PSG4: variants seen among roughly 807,000 people sequenced by gnomAD.
PSG4 encodes pregnancy-specific beta-1-glycoprotein 4.
Under a neutral mutation model 44.3 loss-of-function variants are expected in PSG4, and 61 were observed. That is an observed-to-expected ratio of 1.38 (90% CI 1.12 to 1.70). PSG4 has a LOEUF of 1.70. Among genes scored for constraint, PSG4 ranks in the 40% most tolerant of loss-of-function variants. The pLI is 0.00. For synonymous variants in PSG4, 248 were observed against 191.3 expected (o/e 1.30, Z -2.45); for missense variants, 677 against 511.7 (o/e 1.32, Z -3.12).
At chr19:43,194,673 T>G (rs970670316) in intron 4 of PSG4, 79 bp from the exon 5 acceptor site, 21 of 1,540,582 alleles carry the variant, frequency 1.4e-5, no homozygotes, top group African/African-American at 5.5e-5. Flanking sequence ...GGGACACAGT[T>G]ACCCTCTAAG....
intron 3 of PSG4, among the ~76,000 whole-genome samples, chr19:43,195,529 T>C (rs548259786): frequency 1.8e-4 from 27 of 151,466 alleles, no homozygotes; most frequent in African/African-American, 5.8e-4. Flanking sequence ...TGGACAGACA[T>C]ATCAGTGGGA....
At chr19:43,202,438 G>A (rs1044225818) in intron 2 of PSG4, among the ~76,000 whole-genome samples, 4 of 144,704 alleles carry the variant, frequency 2.8e-5, no homozygotes, top group Admixed American at 6.9e-5. Flanking sequence ...AAGGACAAGG[G>A]ACAGGTGTGG....
chr19:43,197,924 C>A lies in PSG4; in HGVS notation c.709+73G>T, dbSNP rs1967322137. On this transcript the variant is annotated intron_variant, in intron 3 of 5. Coordinates refer to ENST00000405312, the MANE Select transcript of PSG4 (RefSeq NM_002780.5). ...TCTCTGTACTTGGACCTGAGAGGGA[C>A]TGAGAGGCCTGGCCTCTGGCCATGT... The A allele has an allele frequency of 7.0e-6, 11 of 1,569,578 alleles. 2 individuals are homozygous for A. The South Asian group carries it at 9.0e-5, about 13-fold the overall frequency.
Position 43,194,516 on chromosome 19 carries a change from G to C in PSG4, c.1067C>G (p.Ala356Gly). Residue 356 changes from alanine (A) to glycine (G), a missense_variant, in exon 5 of 6, where the codon GCC becomes GGC. Ala to Gly is a moderately conservative substitution (Grantham distance 60). Transcript: ENST00000405312. ...ATATTGTGCCCGTGGGTTAGACTCG[G>C]CGAAGCAGGACAAGTAGAGGTTTTC... is the stretch of plus-strand genomic sequence containing the variant. Reference protein sequence around the residue: ...SGENLYLSCFAESNPRAQYSW... With the variant: ...SGENLYLSCFGESNPRAQYSW... 2 of 1,612,584 alleles carry C rather than the reference G, an allele frequency of 1.2e-6. No individual in the cohort carries two copies. The highest frequency in any genetic ancestry group is 1.7e-6 in the Non-Finnish European group (2 of 1,179,170).
intron 2 of PSG4, among the ~76,000 whole-genome samples, chr19:43,200,366 G>C (rs1329621310): frequency 9.3e-6 from 1 of 107,980 alleles, no homozygotes; most frequent in African/African-American, 4.3e-5. Flanking sequence ...CTTTGTAGTT[G>C]TCCCACAACT....
chr19:43,203,921 C>T lies in PSG4; in HGVS notation c.395G>A (p.Gly132Glu), dbSNP rs770858732. 1 of 1,584,752 alleles carries T rather than the reference C, an allele frequency of 6.3e-7. No homozygotes were observed. Among genetic ancestry groups the T allele is most frequent in the African/African-American group, 1.4e-5 (1 of 69,478 alleles). ...LHIIKRRDGT[G>E]GVTGHFTFTL... ...GAAGGTGAAATGTCCAGTTACTCCT[C>T]CAGTCCCATCGCGTCGCTTTATGAT... Residue 132 changes from glycine to glutamate, a missense_variant, in exon 2 of 6, where the codon GGA becomes GAA. By Grantham distance (98) the Gly-to-Glu change is moderately conservative. Coordinates refer to ENST00000405312, the MANE Select transcript of PSG4 (RefSeq NM_002780.5).
intron 2 of PSG4, 125 bp from the exon 3 acceptor site, chr19:43,198,400 A>T (rs552221550): frequency 2.1e-6 from 3 of 1,429,394 alleles, no homozygotes; most frequent in East Asian, 2.8e-5. Flanking sequence ...CCCATGGAAG[A>T]TGTGTGTGTT....
intron 3 of PSG4, among the ~76,000 whole-genome samples, chr19:43,195,481 A>G (rs1204052875): frequency 6.6e-6 from 1 of 151,420 alleles, no homozygotes; most frequent in Non-Finnish European, 1.5e-5. Flanking sequence ...GGAGGCACAG[A>G]CTTTCTCAAG....
Position 43,205,519 on chromosome 19 carries a change from G to A in PSG4, c.18C>T (p.Ala6=). The change falls in exon 1 of 6, where the codon GCC becomes GCT. Residue 6 remains alanine, a synonymous_variant. Transcript: ENST00000405312. MGPLS[A]PPCTQRITWK... is the part of the protein sequence containing the mutation. ...AGGTGATGCGCTGTGTGCAGGGAGG[G>A]GCTGAGAGGGGCCCCATGGTCTCTG... 2 of 1,555,148 alleles carry A rather than the reference G, an allele frequency of 1.3e-6. No individual in the cohort carries two copies. Among genetic ancestry groups the A allele is most frequent in the Non-Finnish European group, 1.7e-6 (2 of 1,150,088 alleles).
At chr19:43,199,316 G>C (rs185719294) in intron 2 of PSG4, among the ~76,000 whole-genome samples, 4 of 145,236 alleles carry the variant, frequency 2.8e-5, no homozygotes, top group Non-Finnish European at 6.0e-5. Context: ...GCAGGAGTTG[G>C]GATCAGGGGA....
chr19:43,198,328 A>G, intron 2 of PSG4, 53 bp from the exon 3 acceptor site: 1 of 1,547,492 alleles, frequency 6.5e-7, no homozygotes, highest in Non-Finnish European at 8.7e-7. Context: ...TGATTCTTCC[A>G]AAGGCATTTT....
chr19:43,197,649 T>C, intron 3 of PSG4: 1 of 350,678 alleles, frequency 2.9e-6, no homozygotes, highest in Non-Finnish European at 5.0e-6. Flanking sequence ...GAAGGGAAAA[T>C]CCTGGTCTGT....
chr19:43,202,891 G>A (rs539797092), intron 2 of PSG4, among the ~76,000 whole-genome samples: 2 of 144,660 alleles, frequency 1.4e-5, no homozygotes, highest in Non-Finnish European at 3.0e-5. Flanking sequence ...TCTGGTGGAG[G>A]AGAGGAAGGG....
intron 2 of PSG4, among the ~76,000 whole-genome samples, chr19:43,199,712 C>G (rs1421825734): frequency 6.9e-6 from 1 of 144,730 alleles, no homozygotes; most frequent in Non-Finnish European, 1.5e-5. Flanking sequence ...TGTTCTGACT[C>G]TAGTAACAAA....
At position 43,205,153 on chromosome 19, in the gene PSG4, G is replaced by A. The variant is rs1305531415; in HGVS notation, c.64+320C>T. 5.6e-5 allele frequency among the ~76,000 whole-genome samples: 6 copies of A among 107,598 alleles called. 1 individual carries two copies. The highest frequency in any genetic ancestry group is 2.4e-4 in the African/African-American group (6 of 24,786). 70.6% of individuals were successfully genotyped at this position (107,598 alleles called of 152,430 possible). A position where few individuals can be genotyped will look rare whatever the true frequency, so the allele number is the denominator to read the frequency against. On this transcript the variant is annotated intron_variant, in intron 1 of 5. Coordinates refer to ENST00000405312, the MANE Select transcript of PSG4 (RefSeq NM_002780.5). ...GACGGAGTCTCGTCCTGTCACCCAG[G>A]CTGGTGTGCAGTAGTGCTATCTTGG...
intron 3 of PSG4, chr19:43,197,748 C>T: frequency 1.2e-6 from 1 of 865,980 alleles, no homozygotes; most frequent in Non-Finnish European, 1.7e-6. Flanking sequence ...GAGCCTGAGA[C>T]CTTCACCTGT....
At chr19:43,205,262 T>C (rs916349069) in intron 1 of PSG4, among the ~76,000 whole-genome samples, 7 of 143,026 alleles carry the variant, frequency 4.9e-5, no homozygotes, top group Admixed American at 2.1e-4. Context: ...AGCACACCAC[T>C]ATACCTGGTT....
chr19:43,199,327 A>C (rs1368488748), intron 2 of PSG4, among the ~76,000 whole-genome samples: 1 of 145,258 alleles, frequency 6.9e-6, no homozygotes, highest in Non-Finnish European at 1.5e-5. Flanking sequence ...GATCAGGGGA[A>C]TAGGGTGTTG....
chr19:43,193,616 G>T (rs1005896174), intron 5 of PSG4: 21 of 579,516 alleles, frequency 3.6e-5, no homozygotes, highest in Non-Finnish European at 5.8e-5. Context: ...CCATGTAGGC[G>T]CTCTTTTAGA....
Sources: allele counts gnomAD v4.1 joint callset (sites outside exome capture counted in the v4.1 genomes callset), GRCh38; gene constraint gnomAD v4.1.1; transcripts MANE v1.5; gene names NCBI Gene and HGNC (gene_info 2026-07-23, HGNC 2026-07-21).